The following ZFYVE1 variants were observed in gnomAD, a reference collection of about 807,000 sequenced individuals.
ZFYVE1 encodes the protein zinc finger FYVE domain-containing protein 1.
ZFYVE1 carries 30 observed loss-of-function variants against 74.4 expected under a neutral mutation model. That is an observed-to-expected ratio of 0.40 (90% confidence interval 0.30 to 0.55). ZFYVE1 has a LOEUF of 0.55. Among genes scored for constraint, ZFYVE1 ranks in the 20% least tolerant of loss-of-function variants. The probability of loss-of-function intolerance (pLI) is 0.42; values close to 1 mark genes in which losing one functional copy is unlikely to be tolerated. For synonymous variants in ZFYVE1, 335 were observed against 385.1 expected (o/e 0.87, Z 1.52); for missense variants, 703 against 1,011.6 (o/e 0.69, Z 4.14).
intron 8 of ZFYVE1, among the ~76,000 whole-genome samples, chr14:72,977,277 G>A (rs891544680): frequency 7.2e-5 from 11 of 152,124 alleles, no homozygotes; most frequent in Admixed American, 5.2e-4. Context: ...CGTGGCGGTC[G>A]TGCCTGTAAT....
chr14:72,972,856 C>T (rs61988558), intron 11 of ZFYVE1, among the ~76,000 whole-genome samples: 12,045 of 151,964 alleles, frequency 0.079, 508 homozygotes, highest in African/African-American at 0.11. Context: ...TACAGGTGCC[C>T]GCCACCACGC....
At position 72,975,864 on chromosome 14, in the gene ZFYVE1, G is replaced by A. The variant is rs1893156641; in HGVS notation, c.1636-143C>T. The A allele has an allele frequency of 1.1e-6, 1 of 890,050 alleles. No individual in the cohort carries two copies. The highest frequency in any genetic ancestry group is 1.7e-5 in the South Asian group (1 of 57,792). 55.1% of individuals were successfully genotyped at this position (890,050 alleles called of 1,614,324 possible). On this transcript the variant is annotated intron_variant, in intron 8 of 11. Coordinates refer to ENST00000556143, the MANE Select transcript of ZFYVE1 (RefSeq NM_021260.4). This position sits in a 1 kb window ranked among gnomAD's most constrained non-coding sequence, Gnocchi z 4.1. ...GGCAGGGAAGAACGGAGACACACCA[G>A]GAATCCCTCTGGCTTTATTCTCTTC...
In ZFYVE1 at chr14:72,969,742, A is replaced by C. The variant is rs1480842882; in HGVS notation, c.*1140T>G. ...AACGGGCCCTTTCCAGTCATGACAG[A>C]CAGAGATGTCCAGGCTCTTGAGGAG... On this transcript the variant is annotated 3_prime_UTR_variant, in exon 12 of 12. Coordinates refer to ENST00000556143, the MANE Select transcript of ZFYVE1 (RefSeq NM_021260.4). 8.5e-6 allele frequency: 6 copies of C among 702,210 alleles called. No individual in the cohort carries two copies. Among genetic ancestry groups the C allele is most frequent in the Non-Finnish European group, 1.6e-5 (6 of 384,828 alleles). The allele number at this position is 702,210 out of a possible 1,614,324, so 43.5% of individuals were successfully genotyped here.
chr14:73,025,772 C>T (rs1232756546), intron 1 of ZFYVE1, among the ~76,000 whole-genome samples: 2 of 151,602 alleles, frequency 1.3e-5, no homozygotes, highest in East Asian at 3.9e-4. Context: ...CCTCTAGGCC[C>T]AAGGCATTTA....
At chr14:72,979,607 T>C (rs936299976) in intron 5 of ZFYVE1, among the ~76,000 whole-genome samples, 8 of 148,462 alleles carry the variant, frequency 5.4e-5, no homozygotes, top group African/African-American at 2.0e-4. Context: ...TAAGCCAAGA[T>C]CACACCGCTA....
At chr14:72,980,459 C>T (rs1314324156) in intron 5 of ZFYVE1, among the ~76,000 whole-genome samples, 1 of 152,142 alleles carries the variant, frequency 6.6e-6, no homozygotes, top group Admixed American at 6.5e-5. Context: ...GATTTAACAG[C>T]CATCAACAGT....
chr14:72,974,247 A>G, intron 10 of ZFYVE1, 54 bp from the exon 11 acceptor site: 1 of 1,548,880 alleles, frequency 6.5e-7, no homozygotes, highest in South Asian at 1.1e-5. Flanking sequence ...TCCCAAATGG[A>G]AAACTCAGGG....
At chr14:72,991,397 G>A (rs996222903) in intron 4 of ZFYVE1, among the ~76,000 whole-genome samples, 1 of 152,004 alleles carries the variant, frequency 6.6e-6, no homozygotes, top group Admixed American at 6.6e-5. Flanking sequence ...CACCGTGTTA[G>A]CCAGGATGGT....
chr14:72,992,735 C>G (rs999023690), intron 4 of ZFYVE1, among the ~76,000 whole-genome samples: 1 of 151,198 alleles, frequency 6.6e-6, no homozygotes, highest in Admixed American at 6.6e-5. Flanking sequence ...ACTAGTTTTC[C>G]GCTTATAGTG....
At position 73,024,205 on chromosome 14, in the gene ZFYVE1, C is replaced by G; in HGVS notation, c.304G>C (p.Glu102Gln). ...CQTCKINLCL[E>Q]CQKRTHSGGN... ...CCAGAATGAGTCCTCTTCTGGCACTCCAGGCACAAGTTAATTTTGCAGGTC... is the reference window on the plus strand; with the variant it reads ...CCAGAATGAGTCCTCTTCTGGCACTGCAGGCACAAGTTAATTTTGCAGGTC... Residue 102 changes from glutamate (E) to glutamine (Q), a missense_variant, in exon 2 of 12, where the codon GAG becomes CAG. Transcript: ENST00000556143. 1 of 1,614,160 alleles carries G rather than the reference C, an allele frequency of 6.2e-7. No homozygotes were observed. The highest frequency in any genetic ancestry group is 8.5e-7 in the Non-Finnish European group (1 of 1,180,034).
chr14:73,005,374 T>C (rs536072061), intron 2 of ZFYVE1, among the ~76,000 whole-genome samples: 2 of 152,178 alleles, frequency 1.3e-5, no homozygotes, highest in Non-Finnish European at 2.9e-5. Flanking sequence ...TGGAGTTAAA[T>C]AGGTTACCTG....
chr14:73,015,626 C>T (rs532474233), intron 2 of ZFYVE1, among the ~76,000 whole-genome samples: 3 of 152,052 alleles, frequency 2.0e-5, no homozygotes, highest in South Asian at 2.1e-4. Flanking sequence ...TCAAGTGATC[C>T]GCCCGCCTCA....
intron 11 of ZFYVE1, among the ~76,000 whole-genome samples, chr14:72,972,211 CA>C (rs368244323): frequency 1.1e-4 from 16 of 146,256 alleles, no homozygotes; most frequent in Admixed American, 7.5e-4. Flanking sequence ...GAGTCAGTCT[CA>C]AAAAAAAAAG....
At chr14:72,991,938 G>A (rs146078763) in intron 4 of ZFYVE1, among the ~76,000 whole-genome samples, 3,097 of 147,154 alleles carry the variant, frequency 0.021, 90 homozygotes, top group African/African-American at 0.072. Flanking sequence ...ACAGCATCTC[G>A]CTCTGTCTCC....
At chr14:72,981,387 A>T (rs1209246416) in intron 5 of ZFYVE1, among the ~76,000 whole-genome samples, 1 of 152,026 alleles carries the variant, frequency 6.6e-6, no homozygotes, top group Non-Finnish European at 1.5e-5. Flanking sequence ...TGTTTTGCAC[A>T]GGGGGGGCAC....
Position 72,981,887 on chromosome 14 carries a change from A to C in ZFYVE1, c.1212T>G (p.Ser404Arg). The change falls in exon 5 of 12, where the codon AGT becomes AGG. Residue 404 changes from serine (S) to arginine (R), a missense_variant. By Grantham distance (110) the Ser-to-Arg change is moderately radical (BLOSUM62 -1). This residue lies in a region of ZFYVE1 where 492 missense variants were observed against 790.0 expected (regional missense o/e 0.62). Transcript: ENST00000556143. ...GVIFKALKAL[S>R]DRFSGEIPDD... ...CGGGGATCTCACCGCTGAAGCGGTC[A>C]CTTAGTGCCTGCCAAGGAGGGAAGG... 1 of 1,613,998 alleles carries C rather than the reference A, an allele frequency of 6.2e-7. No individual in the cohort carries two copies. The highest frequency in any genetic ancestry group is 8.5e-7 in the Non-Finnish European group (1 of 1,180,040).
chr14:73,009,601 C>CA (rs1894047784), intron 2 of ZFYVE1, among the ~76,000 whole-genome samples: 2 of 152,126 alleles, frequency 1.3e-5, no homozygotes, highest in Non-Finnish European at 2.9e-5. Flanking sequence ...ACTAAAAATA[C>CA]AAAAATTAGG....
At chr14:73,026,133 G>GAAAAAAAAAA (rs1309344308) in intron 1 of ZFYVE1, among the ~76,000 whole-genome samples, 2 of 95,724 alleles carry the variant, frequency 2.1e-5, no homozygotes, top group Non-Finnish European at 4.4e-5. Flanking sequence ...TTCACTAACT[G>GAAAAAAAAAA]AAAAAAAAAA....
intron 1 of ZFYVE1, among the ~76,000 whole-genome samples, chr14:73,026,132 T>TAAAAAAAA (rs1894455219): frequency 7.8e-6 from 1 of 128,990 alleles, no homozygotes. Context: ...TTTCACTAAC[T>TAAAAAAAA]GAAAAAAAAA....
Sources: gnomAD v4.1 joint callset for allele counts (sites outside exome capture counted in the v4.1 genomes callset) on GRCh38, gnomAD v4.1.1 for gene constraint, gnomAD v4.1.1 regional missense constraint, Gnocchi (gnomAD v3.1) non-coding constraint, MANE v1.5 for transcripts, NCBI Gene and HGNC (gene_info 2026-07-23, HGNC 2026-07-21) for gene names.